OR4N2: variants seen among roughly 807,000 people sequenced by gnomAD.
OR4N2 encodes olfactory receptor family 4 subfamily N member 2.
For missense variants in OR4N2, 307 were observed against 377.6 expected (o/e 0.81, Z 1.55); for synonymous variants, 141 against 140.4 (o/e 1.00, Z -0.03).
At chr14:19,824,984 AG>A (rs1453523246) in intron 1 of OR4N2, among the ~76,000 whole-genome samples, 1 of 152,262 alleles carries the variant, frequency 6.6e-6, no homozygotes, top group Non-Finnish European at 1.5e-5. Flanking sequence ...CGACTGTAGA[AG>A]GGGCTCTTGA....
At chr14:19,819,898 GC>G (rs1479145321) in intron 1 of OR4N2, among the ~76,000 whole-genome samples, 1 of 152,252 alleles carries the variant, frequency 6.6e-6, no homozygotes, top group Non-Finnish European at 1.5e-5. Flanking sequence ...TGATGCTGAT[GC>G]TATTTCTTTC....
chr14:19,817,239 T>C (rs866677425), intron 1 of OR4N2, among the ~76,000 whole-genome samples: 1,790 of 151,402 alleles, frequency 0.012, 4 homozygotes, highest in Middle Eastern at 0.052. Flanking sequence ...TCTTTTTCTA[T>C]TGTTTGTAAT....
intron 1 of OR4N2, among the ~76,000 whole-genome samples, chr14:19,807,055 C>T (rs1333209339): frequency 6.6e-6 from 1 of 151,554 alleles, no homozygotes; most frequent in Admixed American, 6.6e-5. Flanking sequence ...GAAGCTAAAG[C>T]AGGAAATAAA....
At chr14:19,827,242 G>T (rs2138483596) in intron 1 of OR4N2, among the ~76,000 whole-genome samples, 198 bp from the exon 2 acceptor site, 1 of 152,372 alleles carries the variant, frequency 6.6e-6, no homozygotes, top group African/African-American at 2.4e-5. Flanking sequence ...GTAGCTTTGA[G>T]AACCATATTG....
rs138885639 is a variant in OR4N2 at position 19,828,775 on chromosome 14, G to A, written c.*403G>A. 509 of 189,288 alleles carry A rather than the reference G, an allele frequency of 2.7e-3. No individual in the cohort carries two copies. Among genetic ancestry groups the A allele is most frequent in the African/African-American group, 6.3e-3 (266 of 41,908 alleles). 11.7% of individuals were successfully genotyped at this position (189,288 alleles called of 1,614,324 possible). A position where few individuals can be genotyped will look rare whatever the true frequency, so the allele number is the denominator to read the frequency against. ...AAACATGCAAACATTTGTGGTTATA[G>A]TAATCTAGACGGAGGGCACAGGTAG... is the stretch of plus-strand genomic sequence containing the variant. On this transcript the variant is annotated 3_prime_UTR_variant, in exon 2 of 2. Coordinates refer to ENST00000557677, the MANE Select transcript of OR4N2 (RefSeq NM_001004723.3).
At position 19,827,901 on chromosome 14, in the gene OR4N2, G is replaced by A; in HGVS notation, c.453G>A (p.Gly151=). ...CAATGATGTTGGCTCTGTGGCTTGG[G>A]GGTTTTGTCCACTCCATTATCCAGG... is the stretch of plus-strand genomic sequence containing the variant. ...CYAMMLALWL[G]GFVHSIIQVV... Residue 151 remains glycine, a synonymous_variant, in exon 2 of 2, where the codon GGG becomes GGA. Coordinates refer to ENST00000557677, the MANE Select transcript of OR4N2 (RefSeq NM_001004723.3). 9.3e-6 allele frequency: 15 copies of A among 1,614,196 alleles called. No homozygotes were observed. The highest frequency in any genetic ancestry group is 1.3e-5 in the Non-Finnish European group (15 of 1,180,026).
intron 1 of OR4N2, among the ~76,000 whole-genome samples, chr14:19,813,457 A>G (rs1443729730): frequency 6.6e-6 from 1 of 152,282 alleles, no homozygotes; most frequent in Admixed American, 6.5e-5. Context: ...AACGCTGCAG[A>G]GGAGTGCAGC....
rs1879796305 is a variant in OR4N2 at position 19,828,849 on chromosome 14, A to G, written c.*477A>G. On this transcript the variant is annotated 3_prime_UTR_variant, in exon 2 of 2. Coordinates refer to ENST00000557677, the MANE Select transcript of OR4N2 (RefSeq NM_001004723.3). ...GAACTTGGTATATTTGAAGAATACA[A>G]TAAAGTCCATGTTACCCGGAATATA... is the stretch of plus-strand genomic sequence containing the variant. The G allele has an allele frequency of 6.1e-6, 1 of 162,898 alleles. No individual in the cohort carries two copies. The highest frequency in any genetic ancestry group is 2.4e-5 in the African/African-American group (1 of 41,516). 10.1% of individuals were successfully genotyped at this position (162,898 alleles called of 1,614,324 possible).
intron 1 of OR4N2, among the ~76,000 whole-genome samples, chr14:19,827,035 T>TA (rs1414156260): frequency 1.3e-5 from 2 of 152,250 alleles, no homozygotes; most frequent in African/African-American, 2.4e-5. Context: ...AAAAAGGGTC[T>TA]AATCCCAAGA....
intron 1 of OR4N2, among the ~76,000 whole-genome samples, chr14:19,806,935 G>C (rs1222998855): frequency 6.6e-6 from 1 of 152,074 alleles, no homozygotes; most frequent in Admixed American, 6.6e-5. Flanking sequence ...TTCATGGAAA[G>C]TAAACAACTT....
At chr14:19,822,000 C>CAT (rs1298257696) in intron 1 of OR4N2, 1 of 152,232 alleles carries the variant, frequency 6.6e-6, no homozygotes, top group African/African-American at 2.4e-5. Flanking sequence ...TGGAGCTCTT[C>CAT]ATATATATAC....
rs1415826322 is a variant in OR4N2, at chr14:19,829,807, A to C, written c.*1435A>C. 6.6e-6 allele frequency: 1 copy of C among 152,262 alleles called. No homozygotes were observed. The highest frequency in any genetic ancestry group is 1.5e-5 in the Non-Finnish European group (1 of 68,044). 9.4% of individuals were successfully genotyped at this position (152,262 alleles called of 1,614,324 possible). On this transcript the variant is annotated 3_prime_UTR_variant, in exon 2 of 2. Transcript: ENST00000557677. ...TTATTTTTGATAATCGCCAAAGTTTATACTTAGGAATATAAATTTTGTACA... is the reference window on the plus strand; with the variant it reads ...TTATTTTTGATAATCGCCAAAGTTTCTACTTAGGAATATAAATTTTGTACA...
At chr14:19,818,036 A>G (rs1053308655) in intron 1 of OR4N2, among the ~76,000 whole-genome samples, 16 of 152,252 alleles carry the variant, frequency 1.1e-4, no homozygotes, top group African/African-American at 3.6e-4. Context: ...ATTTGATTGC[A>G]CTGTGGTCTG....
intron 1 of OR4N2, among the ~76,000 whole-genome samples, chr14:19,812,283 CTGT>C (rs1170618857): frequency 6.9e-6 from 1 of 145,022 alleles, no homozygotes; most frequent in Non-Finnish European, 1.5e-5. Context: ...TTTGAATTTT[CTGT>C]TATTTTTTGA....
chr14:19,812,838 G>A (rs1484442715), intron 1 of OR4N2, among the ~76,000 whole-genome samples: 2 of 152,070 alleles, frequency 1.3e-5, no homozygotes, highest in Admixed American at 6.5e-5. Context: ...AATATTTTTT[G>A]AGGAAAAAAA....
At chr14:19,813,051 G>A (rs563062950) in intron 1 of OR4N2, among the ~76,000 whole-genome samples, 3 of 152,170 alleles carry the variant, frequency 2.0e-5, no homozygotes, top group Non-Finnish European at 4.4e-5. Context: ...CCATTTTGAG[G>A]ACTATTTTAG....
chr14:19,824,668 T>A (rs1357854351), intron 1 of OR4N2, among the ~76,000 whole-genome samples: 1 of 152,252 alleles, frequency 6.6e-6, no homozygotes, highest in Non-Finnish European at 1.5e-5. Flanking sequence ...CTCCTCAGCC[T>A]ACTCAGTGGG....
At position 19,829,266 on chromosome 14, in the gene OR4N2, T is replaced by G. The variant is rs1342077174; in HGVS notation, c.*894T>G. 7 of 152,272 alleles carry G rather than the reference T, an allele frequency of 4.6e-5. No homozygotes were observed. Among genetic ancestry groups the G allele is most frequent in the Non-Finnish European group, 1.0e-4 (7 of 68,054 alleles). The allele number at this position is 152,272 out of a possible 1,614,324, so 9.4% of individuals were successfully genotyped here. On this transcript the variant is annotated 3_prime_UTR_variant, in exon 2 of 2. Transcript: ENST00000557677. Reference sequence around the variant, plus strand: ...CTTCATGATTACTCCTAGCAAATTTTTATGACTTTTAGCTGTATGTTTGAC... The same window carrying G: ...CTTCATGATTACTCCTAGCAAATTTGTATGACTTTTAGCTGTATGTTTGAC...
intron 1 of OR4N2, among the ~76,000 whole-genome samples, chr14:19,809,113 A>G (rs766253768): frequency 7.9e-5 from 12 of 152,112 alleles, no homozygotes; most frequent in Non-Finnish European, 1.3e-4. Context: ...AGGTCTCTCT[A>G]TTCAATAAAT....
Sources: gnomAD v4.1 joint callset for allele counts (sites outside exome capture counted in the v4.1 genomes callset) on GRCh38, gnomAD v4.1.1 for gene constraint, MANE v1.5 for transcripts, NCBI Gene and HGNC (gene_info 2026-07-23, HGNC 2026-07-21) for gene names.